GLI2: variants seen among roughly 807,000 people sequenced by gnomAD.
GLI2 encodes transcription activator GLI2.
Under a neutral mutation model 78.9 loss-of-function variants are expected in GLI2, and 22 were observed. The observed-to-expected ratio is 0.28, with a 90% CI of 0.20 to 0.40. GLI2 has a LOEUF of 0.40. Among genes scored for constraint, GLI2 ranks in the 10% least tolerant of loss-of-function variants. GLI2 has a pLI of 1.00. For synonymous variants in GLI2, 974 were observed against 963.7 expected (o/e 1.01, Z -0.20); for missense variants, 2,097 against 2,213.2 (o/e 0.95, Z 1.05).
At chr2:120,829,111 C>T (rs1448432) in intron 2 of GLI2, among the ~76,000 whole-genome samples, 3,787 of 137,912 alleles carry the variant, frequency 0.027, 157 homozygotes, top group African/African-American at 0.092. Context: ...CACCCATGCA[C>T]GCACTCACTG....
In GLI2 at chr2:120,899,082, T is replaced by A. The variant is rs115924033; in HGVS notation, c.149-28279T>A. ...CGCCTCTCTCCAAACACTGGGTCCTTCACTGGAAACTCCTCTGAAGGACAG... is the reference window on the plus strand; with the variant it reads ...CGCCTCTCTCCAAACACTGGGTCCTACACTGGAAACTCCTCTGAAGGACAG... On this transcript the variant is annotated intron_variant, in intron 2 of 13. Coordinates refer to ENST00000361492, the MANE Select transcript of GLI2 (RefSeq NM_001374353.1). Among the ~76,000 whole-genome samples the A allele has an allele frequency of 6.6e-3, 1,001 of 152,160 alleles. 2 individuals carry two copies. Among genetic ancestry groups the A allele is most frequent in the Non-Finnish European group, 0.011 (751 of 67,978 alleles).
intron 1 of GLI2, among the ~76,000 whole-genome samples, chr2:120,748,441 T>C (rs1301643324): frequency 6.6e-6 from 1 of 151,736 alleles, no homozygotes; most frequent in Non-Finnish European, 1.5e-5. Context: ...AGCAGAGGGG[T>C]TGGGGAAGGA....
chr2:120,935,245 G>A (rs773822810), intron 3 of GLI2, among the ~76,000 whole-genome samples: 12 of 152,176 alleles, frequency 7.9e-5, no homozygotes, highest in Non-Finnish European at 1.3e-4. Context: ...TCCTTTCCAC[G>A]TGGGTCCACA....
intron 3 of GLI2, among the ~76,000 whole-genome samples, chr2:120,944,300 C>T (rs1037971627): frequency 3.3e-5 from 5 of 152,148 alleles, no homozygotes; most frequent in African/African-American, 4.8e-5. Context: ...GCTAGATGAG[C>T]GGGGTGAGCA....
At chr2:120,874,183 G>A (rs534529455) in intron 2 of GLI2, among the ~76,000 whole-genome samples, 20 of 152,256 alleles carry the variant, frequency 1.3e-4, no homozygotes, top group African/African-American at 3.9e-4. Context: ...AACAGAGCCC[G>A]GTCTGTGCGG....
In GLI2 at chr2:120,824,783, T is replaced by A. The variant is rs183788073; in HGVS notation, c.148+27315T>A. ...GTGGGACATGAGGACCTGAACTCCC[T>A]TGTCAGTGACACACCTGACAAAGGA... On this transcript the variant is annotated intron_variant, in intron 2 of 13. Coordinates refer to ENST00000361492, the MANE Select transcript of GLI2 (RefSeq NM_001374353.1). 2.9e-3 allele frequency among the ~76,000 whole-genome samples: 447 copies of A among 152,332 alleles called. 2 individuals carry two copies. The highest frequency in any genetic ancestry group is 0.01 in the African/African-American group (424 of 41,586).
Position 120,990,725 on chromosome 2 carries a change from A to G in GLI2, c.*50A>G, listed in dbSNP as rs1166620612. On this transcript the variant is annotated 3_prime_UTR_variant, in exon 14 of 14. Coordinates refer to ENST00000361492, the MANE Select transcript of GLI2 (RefSeq NM_001374353.1). Reference sequence around the variant, plus strand: ...GCACCCGGAGGGGTCATCGCTGCCCAGAGCCTGGGGATTCCAGCTGTCTTG... The same window carrying G: ...GCACCCGGAGGGGTCATCGCTGCCCGGAGCCTGGGGATTCCAGCTGTCTTG... 2.0e-6 allele frequency: 3 copies of G among 1,483,860 alleles called. No homozygotes were observed. The highest frequency in any genetic ancestry group is 3.7e-5 in the Admixed American group (2 of 54,620). 91.9% of individuals were successfully genotyped at this position (1,483,860 alleles called of 1,614,324 possible).
At chr2:120,813,761 G>A (rs1163483530) in intron 2 of GLI2, among the ~76,000 whole-genome samples, 3 of 152,172 alleles carry the variant, frequency 2.0e-5, no homozygotes, top group Non-Finnish European at 2.9e-5. Flanking sequence ...CCAGCCTAGT[G>A]GGCTACTTTG....
chr2:120,745,102 C>T (rs1682656558), intron 1 of GLI2, among the ~76,000 whole-genome samples: 1 of 152,218 alleles, frequency 6.6e-6, no homozygotes. Flanking sequence ...CAGGGTCTCT[C>T]TTTCACAGGA....
At chr2:120,954,994 T>C (rs1681172040) in intron 4 of GLI2, among the ~76,000 whole-genome samples, 1 of 152,036 alleles carries the variant, frequency 6.6e-6, no homozygotes, top group Non-Finnish European at 1.5e-5. Flanking sequence ...ATGAGTCTAA[T>C]GAAGTGGTGG....
chr2:120,960,299 G>A (rs1022554390), intron 5 of GLI2, among the ~76,000 whole-genome samples: 1 of 152,140 alleles, frequency 6.6e-6, no homozygotes, highest in Admixed American at 6.5e-5. Context: ...TCCCAGAGGA[G>A]GGAGCACTGT....
Position 120,970,617 on chromosome 2 carries a change from G to T in GLI2, c.1059+11G>T, listed in dbSNP as rs1304986431. The T allele has an allele frequency of 1.9e-5, 30 of 1,608,732 alleles. No homozygotes were observed. Among genetic ancestry groups the T allele is most frequent in the Non-Finnish European group, 2.0e-5 (24 of 1,175,286 alleles). On this transcript the variant is annotated intron_variant, in intron 7 of 13. Transcript: ENST00000361492. ...AGTGACACCAACCAGGTAGGTGGGT[G>T]CAGGGGCCAGGATGGCCACTGGGTA...
chr2:120,957,785 C>CG (rs1681346142), intron 5 of GLI2, among the ~76,000 whole-genome samples: 1 of 152,246 alleles, frequency 6.6e-6, no homozygotes, highest in Admixed American at 6.5e-5. Context: ...TGCCTCTGTT[C>CG]TGTGCTTTTA....
chr2:120,962,311 A>G (rs931667935), intron 5 of GLI2, among the ~76,000 whole-genome samples: 1 of 152,198 alleles, frequency 6.6e-6, no homozygotes, highest in Non-Finnish European at 1.5e-5. Flanking sequence ...AATTCTGCTT[A>G]GATGGCACCT....
rs149015611 is a variant in GLI2, at chr2:120,962,872, G to A, written c.644-5842G>A. Among the ~76,000 whole-genome samples the A allele has an allele frequency of 9.2e-5, 14 of 152,292 alleles. No homozygotes were observed. The East Asian group carries it at 2.7e-3, about 29-fold the overall frequency. ...GATTCTTTTTTAAAAAATGTGTTAC[G>A]AAGATGTGTGTGTTTCTTACTTTAT... On this transcript the variant is annotated intron_variant, in intron 5 of 13. Transcript: ENST00000361492.
Position 120,989,848 on chromosome 2 carries a change from G to A in GLI2, c.3883G>A (p.Val1295Met). The A allele has an allele frequency of 6.2e-7, 1 of 1,612,800 alleles. No homozygotes were observed. Among genetic ancestry groups the A allele is most frequent in the South Asian group, 1.1e-5 (1 of 91,068 alleles). The change falls in exon 14 of 14, where the codon GTG becomes ATG. Residue 1295 changes from valine to methionine, a missense_variant. Physicochemically the swap from Val to Met is conservative, Grantham distance 21 (BLOSUM62 1). This residue lies in a region of GLI2 where 1,290 missense variants were observed against 1,261.7 expected (regional missense o/e 1.02). Coordinates refer to ENST00000361492, the MANE Select transcript of GLI2 (RefSeq NM_001374353.1). ...LGVPDSALAG[V>M]PPPHPVQSYP... ...GGTCCCCGATTCAGCCCTGGCTGGA[G>A]TGCCACCACCTCACCCAGTCCAGAG...
chr2:120,796,943 G>A (rs1157391661), intron 1 of GLI2, among the ~76,000 whole-genome samples: 1 of 152,046 alleles, frequency 6.6e-6, no homozygotes, highest in African/African-American at 2.4e-5. Context: ...CACTATATTT[G>A]TTTTTATTTT....
Position 120,912,732 on chromosome 2 carries a change from C to T in GLI2, c.149-14629C>T, listed in dbSNP as rs1678890471. 2.6e-5 allele frequency among the ~76,000 whole-genome samples: 4 copies of T among 152,190 alleles called. No homozygotes were observed. The South Asian group carries it at 8.3e-4, about 32-fold the overall frequency. ...GGCATGGGCTTTGCTTTCTGCGGACCCTCTTATTTGTCGAAGATCTCGGGA... is the reference window on the plus strand; with the variant it reads ...GGCATGGGCTTTGCTTTCTGCGGACTCTCTTATTTGTCGAAGATCTCGGGA... On this transcript the variant is annotated intron_variant, in intron 2 of 13. Coordinates refer to ENST00000361492, the MANE Select transcript of GLI2 (RefSeq NM_001374353.1).
intron 4 of GLI2, among the ~76,000 whole-genome samples, chr2:120,954,083 C>T (rs574813543): frequency 6.6e-6 from 1 of 152,260 alleles, no homozygotes; most frequent in South Asian, 2.1e-4. Flanking sequence ...CCTCATCAGC[C>T]CTTGGGCTAC....
Sources: gnomAD v4.1 joint callset for allele counts (sites outside exome capture counted in the v4.1 genomes callset) on GRCh38, gnomAD v4.1.1 for gene constraint, gnomAD v4.1.1 regional missense constraint, MANE v1.5 for transcripts, NCBI Gene and HGNC (gene_info 2026-07-23, HGNC 2026-07-21) for gene names.